FAT3: variants seen among roughly 807,000 people sequenced by gnomAD.
FAT3 encodes protocadherin Fat 3.
FAT3 carries 95 observed loss-of-function variants against 310.2 expected under a neutral mutation model. The ratio of observed to expected loss-of-function variants is 0.31; its 90% CI spans 0.26 to 0.36. FAT3 has a LOEUF of 0.36. FAT3 is among the 10% of genes least tolerant of loss of function. The probability of loss-of-function intolerance (pLI) is 1.00; values close to 1 mark genes in which losing one functional copy is unlikely to be tolerated. For missense variants in FAT3, 5,408 were observed against 5,715.6 expected, an observed-to-expected ratio of 0.95 and a Z score of 1.74; for synonymous variants, 2,314 against 2,192.9, an observed-to-expected ratio of 1.06 and a Z score of -1.54.
At chr11:92,559,584 C>T in intron 3 of FAT3, 1 of 214,774 alleles carries the variant, frequency 4.7e-6, no homozygotes. Context: ...CACTATGTTG[C>T]CCAAGCTGGT....
At chr11:92,644,862 G>A (rs1017139513) in intron 3 of FAT3, among the ~76,000 whole-genome samples, 2 of 152,188 alleles carry the variant, frequency 1.3e-5, no homozygotes, top group Non-Finnish European at 2.9e-5. Flanking sequence ...TCTCCATGTA[G>A]TGATTCTTCT....
intron 4 of FAT3, among the ~76,000 whole-genome samples, chr11:92,701,857 TG>T (rs1279604189): frequency 3.3e-5 from 5 of 152,210 alleles, no homozygotes; most frequent in African/African-American, 1.2e-4. Context: ...ATCACTTGTA[TG>T]GATTGTGTTT....
intron 1 of FAT3, among the ~76,000 whole-genome samples, chr11:92,309,705 G>C (rs1300949797): frequency 1.3e-5 from 2 of 152,272 alleles, no homozygotes; most frequent in East Asian, 3.9e-4. Context: ...GATCAGACAG[G>C]CTGGAGTTTT....
chr11:92,315,512 T>TATATATATAGAGAGAG (rs1353970811), intron 1 of FAT3, among the ~76,000 whole-genome samples: 3 of 56,168 alleles, frequency 5.3e-5, no homozygotes, highest in African/African-American at 6.6e-5. Context: ...TATATATATA[T>TATATATATAGAGAGAG]AGAGAGAGAG....
chr11:92,510,034 A>G (rs1953240999), intron 2 of FAT3, among the ~76,000 whole-genome samples: 1 of 152,108 alleles, frequency 6.6e-6, no homozygotes, highest in African/African-American at 2.4e-5. Flanking sequence ...CTATGTATCT[A>G]TCTCTGAAGC....
intron 23 of FAT3, 94 bp downstream of exon 23, chr11:92,880,978 A>C: frequency 7.3e-7 from 1 of 1,369,846 alleles, no homozygotes; most frequent in Non-Finnish European, 1.0e-6. Context: ...ATTTACCACT[A>C]ATAGTACAGG....
intron 7 of FAT3, 103 bp downstream of exon 7, chr11:92,774,283 G>T (rs1005329364): frequency 8.0e-7 from 1 of 1,251,878 alleles, no homozygotes; most frequent in African/African-American, 1.5e-5. Flanking sequence ...AAATTATGTC[G>T]ACGGTTTTCT....
intron 3 of FAT3, among the ~76,000 whole-genome samples, chr11:92,554,006 A>G (rs1237899508): frequency 6.6e-6 from 1 of 151,724 alleles, no homozygotes; most frequent in African/African-American, 2.4e-5. Context: ...GGATTTCACC[A>G]TGTTGGCCAG....
chr11:92,825,642 G>A (rs565860623), intron 13 of FAT3, among the ~76,000 whole-genome samples: 7 of 152,232 alleles, frequency 4.6e-5, no homozygotes, highest in African/African-American at 1.4e-4. Flanking sequence ...GGAAAGGGGG[G>A]TTGGGACCAG....
At chr11:92,271,332 A>G (rs976193042) in intron 1 of FAT3, among the ~76,000 whole-genome samples, 9 of 151,816 alleles carry the variant, frequency 5.9e-5, no homozygotes, top group East Asian at 1.9e-4. Context: ...CAATATCCCT[A>G]TGTGCTTCCT....
At chr11:92,358,808 TA>T (rs1008176393) in intron 2 of FAT3, among the ~76,000 whole-genome samples, 1 of 151,936 alleles carries the variant, frequency 6.6e-6, no homozygotes, top group African/African-American at 2.4e-5. Flanking sequence ...TTCCAAGTGC[TA>T]AAAAAAATAT....
chr11:92,251,054 A>C (rs1865116894), intron 1 of FAT3, among the ~76,000 whole-genome samples: 1 of 152,178 alleles, frequency 6.6e-6, no homozygotes, highest in Non-Finnish European at 1.5e-5. Flanking sequence ...TTCTTAGGAT[A>C]CTTTTAGTAA....
chr11:92,456,090 A>G (rs1167194688), intron 2 of FAT3, among the ~76,000 whole-genome samples: 1 of 152,178 alleles, frequency 6.6e-6, no homozygotes, highest in Non-Finnish European at 1.5e-5. Context: ...TGAAGGACTT[A>G]GACTACAATT....
At chr11:92,742,981 A>G (rs535591531) in intron 4 of FAT3, among the ~76,000 whole-genome samples, 88 of 152,348 alleles carry the variant, frequency 5.8e-4, no homozygotes, top group Non-Finnish European at 1.0e-3. Flanking sequence ...TCAATACTAC[A>G]GGATCTTGTA....
intron 2 of FAT3, among the ~76,000 whole-genome samples, chr11:92,403,893 G>A (rs1396897171): frequency 6.6e-6 from 1 of 152,014 alleles, no homozygotes; most frequent in African/African-American, 2.4e-5. Context: ...AATATTAGCT[G>A]GACATGGTGG....
Position 92,764,151 on chromosome 11 carries a change from C to T in FAT3, c.3985-728C>T, listed in dbSNP as rs937810583. Among the ~76,000 whole-genome samples, 7 of 152,092 alleles carry T rather than the reference C, an allele frequency of 4.6e-5. No individual in the cohort carries two copies. The South Asian group carries it at 1.5e-3, about 32-fold the overall frequency. On this transcript the variant is annotated intron_variant, in intron 5 of 27. Coordinates refer to ENST00000525166, the MANE Select transcript of FAT3 (RefSeq NM_001367949.2). The stretch of plus-strand genomic sequence containing the variant: ...CCAGCTGGGGAGGGAGACTTGCTTC[C>T]TCAGCCCTTATATCAGCTAATTGTG...
intron 3 of FAT3, among the ~76,000 whole-genome samples, chr11:92,591,269 C>T (rs1015580455): frequency 6.6e-6 from 1 of 152,154 alleles, no homozygotes; most frequent in African/African-American, 2.4e-5. Flanking sequence ...TCCCTCTTCT[C>T]TGAAGTAAGA....
intron 2 of FAT3, among the ~76,000 whole-genome samples, chr11:92,438,198 C>G (rs1950988429): frequency 6.6e-6 from 1 of 152,230 alleles, no homozygotes; most frequent in Admixed American, 6.5e-5. Flanking sequence ...AAAATAAAGA[C>G]ATGTTAAATA....
At chr11:92,795,973 T>A (rs1439168580) in intron 9 of FAT3, among the ~76,000 whole-genome samples, 1 of 152,072 alleles carries the variant, frequency 6.6e-6, no homozygotes, top group Non-Finnish European at 1.5e-5. Context: ...CCATAATCTA[T>A]CTTTCTGGGC....
Sources: allele counts gnomAD v4.1 joint callset (sites outside exome capture counted in the v4.1 genomes callset), GRCh38; gene constraint gnomAD v4.1.1; transcripts MANE v1.5; gene names NCBI Gene and HGNC (gene_info 2026-07-23, HGNC 2026-07-21).